Variants in ZFYVE28 observed in about 807,000 individuals in gnomAD.
The protein encoded by ZFYVE28 is zinc finger FYVE-type containing 28, also known as lateral signaling target protein 2 homolog.
In ZFYVE28, 40 loss-of-function variants were observed where a neutral mutation model predicts 82.1. That is an observed-to-expected ratio of 0.49 (90% CI 0.38 to 0.63). The LOEUF is 0.63. ZFYVE28 is among the 30% of genes least tolerant of loss of function. ZFYVE28 has a pLI of 0.00. For missense variants in ZFYVE28, 1,321 were observed against 1,242.1 expected (o/e 1.06, Z -0.96); for synonymous variants, 612 against 546.1 (o/e 1.12, Z -1.68).
In ZFYVE28 at chr4:2,341,261, G is replaced by GTA; in HGVS notation, c.318+215_318+216dup. ...ACCACATGGGAAATTTCATTTGTAT[G>GTA]TATAGTTTTGGGGGCACCAGTTCAT... is the stretch of plus-strand genomic sequence containing the variant. On this transcript the variant is annotated intron_variant, in intron 3 of 12. Coordinates refer to ENST00000290974, the MANE Select transcript of ZFYVE28 (RefSeq NM_020972.3). This position sits in a 1 kb window ranked among gnomAD's most constrained non-coding sequence, Gnocchi z 4.5. The GTA allele has an allele frequency of 1.6e-6, 1 of 624,356 alleles. No individual in the cohort carries two copies. Among genetic ancestry groups the GTA allele is most frequent in the Non-Finnish European group, 2.8e-6 (1 of 360,202 alleles). 38.7% of individuals were successfully genotyped at this position (624,356 alleles called of 1,614,324 possible). A position where few individuals can be genotyped will look rare whatever the true frequency, so the allele number is the denominator to read the frequency against.
At chr4:2,399,082 G>GGAGGTGAGATCCAGGGCAC (rs1560338845) in intron 1 of ZFYVE28, among the ~76,000 whole-genome samples, 6 of 134,706 alleles carry the variant, frequency 4.5e-5, no homozygotes, top group South Asian at 2.3e-4. Flanking sequence ...GCACAAGCGT[G>GGAGGTGAGATCCAGGGCAC]AAGGTGAGAT....
chr4:2,369,664 G>C (rs3135136), intron 1 of ZFYVE28, among the ~76,000 whole-genome samples: 99,471 of 151,344 alleles, frequency 0.66, 33,013 homozygotes, highest in East Asian at 0.8. Flanking sequence ...GCCATGTGAA[G>C]ATGGGGCGGA....
chr4:2,330,562 G>A, intron 6 of ZFYVE28: 1 of 1,189,758 alleles, frequency 8.4e-7, no homozygotes, highest in Non-Finnish European at 1.1e-6. Flanking sequence ...GGACAGCATG[G>A]AGAATGGGAT....
chr4:2,358,144 C>T (rs906375931), intron 1 of ZFYVE28, among the ~76,000 whole-genome samples: 10 of 152,178 alleles, frequency 6.6e-5, no homozygotes, highest in Admixed American at 3.3e-4. Context: ...CAAGAACCAC[C>T]GCCGTGTGTG....
chr4:2,322,495 G>T (rs921108251), intron 6 of ZFYVE28, among the ~76,000 whole-genome samples: 1 of 152,210 alleles, frequency 6.6e-6, no homozygotes, highest in Admixed American at 6.5e-5. Flanking sequence ...ACTGTGAGGG[G>T]CTTGGCCCAG....
rs186217426 is a variant in ZFYVE28 at position 2,304,648 on chromosome 4, G to A, written c.1692C>T (p.Cys564=). The A allele has an allele frequency of 5.2e-5, 84 of 1,612,616 alleles. No individual in the cohort carries two copies. The highest frequency in any genetic ancestry group is 3.3e-4 in the Middle Eastern group (2 of 6,062). Reference sequence around the variant, plus strand: ...TGTCCCCGCAGCTCCCACAGCACACGCAGGAATGCAGAAGGCAGTTGGTGG... The same window carrying A: ...TGTCCCCGCAGCTCCCACAGCACACACAGGAATGCAGAAGGCAGTTGGTGG... The part of the protein sequence containing the change: ...TGATNCLLHS[C]VCCGSCGDSR... Residue 564 remains cysteine (C), a synonymous_variant, in exon 8 of 13, where the codon TGC becomes TGT. Transcript: ENST00000290974.
intron 7 of ZFYVE28, among the ~76,000 whole-genome samples, chr4:2,314,836 T>C (rs1185442302): frequency 6.6e-6 from 1 of 152,226 alleles, no homozygotes; most frequent in East Asian, 1.9e-4. Flanking sequence ...TGGAGTGCAG[T>C]GGCACAATCA....
chr4:2,284,079 T>C (rs557008492), intron 8 of ZFYVE28, among the ~76,000 whole-genome samples: 33 of 152,298 alleles, frequency 2.2e-4, no homozygotes, highest in South Asian at 8.3e-4. Flanking sequence ...AGAGCACAGG[T>C]GCTCTCTTTC....
At chr4:2,289,502 C>G (rs1369120893) in intron 8 of ZFYVE28, among the ~76,000 whole-genome samples, 1 of 152,172 alleles carries the variant, frequency 6.6e-6, no homozygotes, top group Non-Finnish European at 1.5e-5. Flanking sequence ...GGGCCACAGC[C>G]TCCTGCCACC....
chr4:2,353,010 G>A (rs990092485), intron 2 of ZFYVE28, among the ~76,000 whole-genome samples: 2 of 152,164 alleles, frequency 1.3e-5, no homozygotes, highest in African/African-American at 4.8e-5. Flanking sequence ...CTGGGGGCAG[G>A]GACTCTCCCC....
intron 8 of ZFYVE28, among the ~76,000 whole-genome samples, chr4:2,281,210 G>A (rs1711917262): frequency 6.6e-6 from 1 of 152,166 alleles, no homozygotes; most frequent in South Asian, 2.1e-4. Context: ...ACTGCCCAAG[G>A]GAACCGGCTG....
At chr4:2,321,771 G>C (rs114552749) in intron 6 of ZFYVE28, among the ~76,000 whole-genome samples, 1,717 of 152,164 alleles carry the variant, frequency 0.011, 34 homozygotes, top group African/African-American at 0.039. Context: ...GCTGAGCATA[G>C]GACTCAGTCC....
rs2108837405 is a variant in ZFYVE28, at chr4:2,320,061, TCA to T, written c.803+107_803+108del. The T allele has an allele frequency of 1.9e-6, 2 of 1,026,760 alleles. No individual in the cohort carries two copies. The highest frequency in any genetic ancestry group is 5.1e-5 in the East Asian group (2 of 39,028). The allele number at this position is 1,026,760 out of a possible 1,614,324, so 63.6% of individuals were successfully genotyped here. A position where few individuals can be genotyped will look rare whatever the true frequency, so the allele number is the denominator to read the frequency against. On this transcript the variant is annotated intron_variant, in intron 7 of 12. Transcript: ENST00000290974. The surrounding 1 kb of genome is among the most constrained non-coding windows in gnomAD (Gnocchi z 5.1). The stretch of plus-strand genomic sequence containing the variant: ...GGAATATTAACCAGCCCATCCTTCC[TCA>T]CAGAGAGGAGGAGGACCTGGAGGCG...
intron 8 of ZFYVE28, 52 bp downstream of exon 8, chr4:2,304,237 C>A: frequency 3.3e-6 from 5 of 1,501,358 alleles, no homozygotes; most frequent in Non-Finnish European, 4.4e-6. Flanking sequence ...CCAGCACCTG[C>A]CCCCCAGTGC....
At chr4:2,276,993 T>C (rs1164459469) in intron 8 of ZFYVE28, among the ~76,000 whole-genome samples, 1 of 147,658 alleles carries the variant, frequency 6.8e-6, no homozygotes, top group South Asian at 2.2e-4. Context: ...ATTAAAAATA[T>C]AAAAAAAAAA....
chr4:2,301,483 A>G (rs922100523), intron 8 of ZFYVE28, among the ~76,000 whole-genome samples: 1 of 149,804 alleles, frequency 6.7e-6, no homozygotes, highest in Non-Finnish European at 1.5e-5. Context: ...TGACACCACC[A>G]CCTGGGCTCC....
intron 1 of ZFYVE28, among the ~76,000 whole-genome samples, chr4:2,363,038 G>C (rs1726376909): frequency 6.6e-6 from 1 of 152,176 alleles, no homozygotes; most frequent in South Asian, 2.1e-4. Flanking sequence ...AGTGTCCCCA[G>C]CACAGCCTGA....
At chr4:2,271,629 C>T in intron 11 of ZFYVE28, 46 bp downstream of exon 11, 1 of 1,585,594 alleles carries the variant, frequency 6.3e-7, no homozygotes, top group Non-Finnish European at 8.7e-7. Flanking sequence ...CCCACAGCCC[C>T]CACTGGTGTC....
In ZFYVE28 at chr4:2,305,144, C is replaced by A. The variant is rs73203327; in HGVS notation, c.1196G>T (p.Arg399Leu). Residue 399 changes from arginine (R) to leucine (L), a missense_variant, in exon 8 of 13, where the codon CGC becomes CTC. Physicochemically the swap from Arg to Leu is moderately radical, Grantham distance 102. This residue lies in a region of ZFYVE28 where 978 missense variants were observed against 833.7 expected (regional missense o/e 1.17). Transcript: ENST00000290974. Reference protein sequence around the residue: ...RLRSGSDEEERVFFMDDVEGT... With the variant: ...RLRSGSDEEELVFFMDDVEGT... ...CTCCACGTCATCCATGAAGAACACG[C>A]GCTCCTCCTCGTCACTGCCTGACCG... 1 of 1,588,506 alleles carries A rather than the reference C, an allele frequency of 6.3e-7. No homozygotes were observed. Among genetic ancestry groups the A allele is most frequent in the Non-Finnish European group, 8.6e-7 (1 of 1,165,848 alleles).
Sources: gnomAD v4.1 joint callset for allele counts (sites outside exome capture counted in the v4.1 genomes callset) on GRCh38, gnomAD v4.1.1 for gene constraint, gnomAD v4.1.1 regional missense constraint, Gnocchi (gnomAD v3.1) non-coding constraint, MANE v1.5 for transcripts, NCBI Gene and HGNC (gene_info 2026-07-23, HGNC 2026-07-21) for gene names.